SLC13A3: variants seen among roughly 807,000 people sequenced by gnomAD.
SLC13A3 encodes solute carrier family 13 member 3, also known as Na(+)/dicarboxylate cotransporter 3.
SLC13A3 carries 40 observed loss-of-function variants against 59.0 expected under a neutral mutation model. That is an observed-to-expected ratio of 0.68 (90% confidence interval 0.53 to 0.88). The LOEUF (loss-of-function observed/expected upper bound fraction) is 0.88, where lower values mean the gene tolerates loss of function less well. SLC13A3 is among the 40% of genes least tolerant of loss of function. The pLI is 0.00. For missense variants in SLC13A3, 699 were observed against 783.2 expected (o/e 0.89, Z 1.28); for synonymous variants, 317 against 330.3 (o/e 0.96, Z 0.44).
At chr20:46,562,831 T>C (rs1293648040) in intron 12 of SLC13A3, among the ~76,000 whole-genome samples, 1 of 152,196 alleles carries the variant, frequency 6.6e-6, no homozygotes, top group East Asian at 1.9e-4. Flanking sequence ...GTCTTGTGCC[T>C]GGAGGGCCTG....
chr20:46,592,571 T>A (rs2062270975), intron 5 of SLC13A3, 42 bp from the exon 6 acceptor site: 1 of 1,609,612 alleles, frequency 6.2e-7, no homozygotes, highest in Admixed American at 1.7e-5. Context: ...AGGGCAGCCA[T>A]GCCCATTTTG....
chr20:46,598,662 A>C (rs2062340883), intron 4 of SLC13A3, among the ~76,000 whole-genome samples: 1 of 152,200 alleles, frequency 6.6e-6, no homozygotes, highest in Admixed American at 6.5e-5. Context: ...GAGGGAGCAC[A>C]GGCTGTGGGA....
chr20:46,642,866 C>T (rs6017951), intron 1 of SLC13A3, among the ~76,000 whole-genome samples: 6,051 of 152,208 alleles, frequency 0.04, 366 homozygotes, highest in African/African-American at 0.13. Context: ...CAGCAGGAGT[C>T]TGGAAGTCAG....
At chr20:46,651,203 G>T (rs989378100) in intron 1 of SLC13A3, 108 bp downstream of exon 1, 13 of 1,365,806 alleles carry the variant, frequency 9.5e-6, no homozygotes, top group Non-Finnish European at 1.2e-5. Context: ...AGGGGGTCTG[G>T]TGGAGCCTGT....
chr20:46,676,139 C>T lies in SLC13A3; in HGVS notation c.-31+8257G>A, dbSNP rs575110033. ...GGCCAGACTGGTCTTAAACTCCTGA[C>T]CTCAGGTGATCTACCCACCTCGGCC... On this transcript the variant is annotated intron_variant, in intron 1 of 6. Coordinates refer to the SLC13A3 transcript ENST00000372121. 3 of 152,238 alleles carry T rather than the reference C, an allele frequency of 2.0e-5. No individual in the cohort carries two copies. In the East Asian group the frequency reaches 5.8e-4, roughly 29 times the overall value. 9.4% of individuals were successfully genotyped at this position (152,238 alleles called of 1,614,324 possible). A position where few individuals can be genotyped will look rare whatever the true frequency, so the allele number is the denominator to read the frequency against.
chr20:46,579,447 G>A (rs1483387781), intron 9 of SLC13A3, among the ~76,000 whole-genome samples: 1 of 152,156 alleles, frequency 6.6e-6, no homozygotes, highest in Non-Finnish European at 1.5e-5. Flanking sequence ...AATGAGCAGG[G>A]TGACCTTAAA....
chr20:46,559,170 G>A lies in SLC13A3; in HGVS notation c.*852C>T, dbSNP rs1339070926. 5 of 152,398 alleles carry A rather than the reference G, an allele frequency of 3.3e-5. No homozygotes were observed. The highest frequency in any genetic ancestry group is 4.1e-4 in the South Asian group (2 of 4,824). 9.4% of individuals were successfully genotyped at this position (152,398 alleles called of 1,614,324 possible). A position where few individuals can be genotyped will look rare whatever the true frequency, so the allele number is the denominator to read the frequency against. ...CTGCTGGGACAAGCAGCAACTGACC[G>A]CCTTGCAGCCACAGAGGCCTATGGG... On this transcript the variant is annotated 3_prime_UTR_variant, in exon 13 of 13. Coordinates refer to ENST00000279027, the MANE Select transcript of SLC13A3 (RefSeq NM_022829.6).
chr20:46,597,182 T>C (rs1327300519), intron 4 of SLC13A3, among the ~76,000 whole-genome samples: 1 of 152,192 alleles, frequency 6.6e-6, no homozygotes, highest in Non-Finnish European at 1.5e-5. Flanking sequence ...TTACATATTA[T>C]TTTCCTTTTT....
intron 1 of SLC13A3, among the ~76,000 whole-genome samples, chr20:46,631,904 T>G (rs748418063): frequency 3.9e-5 from 6 of 151,984 alleles, no homozygotes; most frequent in Non-Finnish European, 7.4e-5. Context: ...CCTCTTTGTG[T>G]AGGAAAGGAA....
At chr20:46,575,935 G>A (rs2062071731) in intron 9 of SLC13A3, among the ~76,000 whole-genome samples, 1 of 152,168 alleles carries the variant, frequency 6.6e-6, no homozygotes, top group Admixed American at 6.5e-5. Context: ...TCCACATGCA[G>A]GACATCACTT....
chr20:46,585,585 T>G (rs1168335760), intron 8 of SLC13A3: 1 of 1,142,272 alleles, frequency 8.8e-7, no homozygotes, highest in African/African-American at 1.7e-5. Context: ...TCTTGACAAA[T>G]GTATGCAGTC....
intron 1 of SLC13A3, among the ~76,000 whole-genome samples, chr20:46,631,155 C>T (rs1230255782): frequency 6.6e-6 from 1 of 152,188 alleles, no homozygotes; most frequent in Non-Finnish European, 1.5e-5. Context: ...TTCTGTCCCC[C>T]AGGGGACACG....
intron 10 of SLC13A3, among the ~76,000 whole-genome samples, chr20:46,568,525 A>G (rs761512394): frequency 6.6e-6 from 1 of 152,152 alleles, no homozygotes; most frequent in Non-Finnish European, 1.5e-5. Flanking sequence ...ATAAATGCTT[A>G]AAAATATTTG....
At chr20:46,665,668 T>G (rs941329645) in intron 1 of SLC13A3, among the ~76,000 whole-genome samples, 1 of 152,256 alleles carries the variant, frequency 6.6e-6, no homozygotes, top group Non-Finnish European at 1.5e-5. Context: ...TTGGACCGTT[T>G]GAACTTTCTG....
chr20:46,590,715 C>T (rs937376477), intron 6 of SLC13A3, among the ~76,000 whole-genome samples: 2 of 151,908 alleles, frequency 1.3e-5, no homozygotes, highest in South Asian at 2.1e-4. Context: ...GAAACATGTA[C>T]GATTTTTATG....
intron 1 of SLC13A3, among the ~76,000 whole-genome samples, chr20:46,625,263 C>G (rs867613030): frequency 4.0e-4 from 61 of 152,232 alleles, no homozygotes; most frequent in African/African-American, 1.5e-3. Context: ...CACTTCAAAT[C>G]AAGTTCCACA....
At chr20:46,597,279 A>AT (rs3092491) in intron 4 of SLC13A3, among the ~76,000 whole-genome samples, 86,982 of 151,860 alleles carry the variant, frequency 0.57, 25,708 homozygotes, top group African/African-American at 0.72. Context: ...GTAAAAGATC[A>AT]TAATGTTGGC....
chr20:46,645,093 T>C (rs2062881632), intron 1 of SLC13A3, among the ~76,000 whole-genome samples: 1 of 152,284 alleles, frequency 6.6e-6, no homozygotes, highest in African/African-American at 2.4e-5. Flanking sequence ...GCCTTGCCTG[T>C]TCCAGCTTCT....
intron 1 of SLC13A3, among the ~76,000 whole-genome samples, chr20:46,624,066 G>A (rs561979815): frequency 3.4e-4 from 52 of 152,144 alleles, no homozygotes; most frequent in African/African-American, 1.3e-3. Flanking sequence ...AAGCTTCCTG[G>A]CTCCTTGCCA....
Sources: allele counts gnomAD v4.1 joint callset (sites outside exome capture counted in the v4.1 genomes callset), GRCh38; gene constraint gnomAD v4.1.1; transcripts MANE v1.5; gene names NCBI Gene and HGNC (gene_info 2026-07-23, HGNC 2026-07-21).